The following TFPI variants were observed in gnomAD, a reference collection of about 807,000 sequenced individuals.
The protein encoded by TFPI is tissue factor pathway inhibitor.
In TFPI, 15 loss-of-function variants were observed where a neutral mutation model predicts 34.6. That is an observed-to-expected ratio of 0.43 (90% CI 0.29 to 0.67). The LOEUF (loss-of-function observed/expected upper bound fraction) is 0.67, where lower values mean the gene tolerates loss of function less well. Among genes scored for constraint, TFPI ranks in the 30% least tolerant of loss-of-function variants. The probability of loss-of-function intolerance (pLI) is 0.15; values close to 1 mark genes in which losing one functional copy is unlikely to be tolerated. For missense variants in TFPI, 301 were observed against 364.0 expected (o/e 0.83, Z 1.41); for synonymous variants, 105 against 120.1 (o/e 0.87, Z 0.82).
intron 3 of TFPI, among the ~76,000 whole-genome samples, chr2:187,493,355 C>G (rs925182170): frequency 6.6e-6 from 1 of 152,122 alleles, no homozygotes; most frequent in African/African-American, 2.4e-5. Context: ...AGACTGCACA[C>G]AGCATGAGGA....
chr2:187,484,236 A>G lies in TFPI; in HGVS notation c.536-20T>C. On this transcript the variant is annotated intron_variant, in intron 5 of 7. Coordinates refer to ENST00000233156, the MANE Select transcript of TFPI (RefSeq NM_006287.6). The stretch of plus-strand genomic sequence containing the variant: ...CATTCGCTGGAAAAAAATACAGCCA[A>G]TTAAAATAGATAAACATTGTCACAA... 6.3e-7 allele frequency: 1 copy of G among 1,592,244 alleles called. No homozygotes were observed. Among genetic ancestry groups the G allele is most frequent in the South Asian group, 1.1e-5 (1 of 90,140 alleles).
chr2:187,489,089 A>G (rs989836051), intron 3 of TFPI, among the ~76,000 whole-genome samples: 61 of 151,462 alleles, frequency 4.0e-4, no homozygotes, highest in African/African-American at 1.4e-3. Context: ...GTTGAGTGGT[A>G]TTTATTTTGT....
At chr2:187,482,021 A>T (rs909371103) in intron 6 of TFPI, among the ~76,000 whole-genome samples, 5 of 152,090 alleles carry the variant, frequency 3.3e-5, no homozygotes, top group Non-Finnish European at 7.4e-5. Context: ...AAACTCATTA[A>T]TATTACTTTC....
At chr2:187,539,740 A>G (rs576528803) in intron 1 of TFPI, among the ~76,000 whole-genome samples, 1 of 152,312 alleles carries the variant, frequency 6.6e-6, no homozygotes, top group Non-Finnish European at 1.5e-5. Flanking sequence ...AAATCAGACA[A>G]CAACAAAAAA....
At chr2:187,536,946 C>A (rs1009225467) in intron 1 of TFPI, among the ~76,000 whole-genome samples, 5 of 103,504 alleles carry the variant, frequency 4.8e-5, no homozygotes, top group Non-Finnish European at 8.6e-5. Flanking sequence ...CAATAACAGA[C>A]AAACAGACAG....
chr2:187,549,800 G>A (rs1295755488), intron 1 of TFPI, among the ~76,000 whole-genome samples: 1 of 151,716 alleles, frequency 6.6e-6, no homozygotes, highest in Admixed American at 6.6e-5. Flanking sequence ...AAGGTGTTAT[G>A]AAAATACAAT....
intron 3 of TFPI, among the ~76,000 whole-genome samples, chr2:187,494,072 C>T (rs984180274): frequency 3.3e-5 from 5 of 152,078 alleles, no homozygotes; most frequent in Non-Finnish European, 4.4e-5. Flanking sequence ...ACATGGATAG[C>T]GGCAGGCAAA....
chr2:187,554,137 C>T (rs899980460), intron 1 of TFPI, 63 bp downstream of exon 1: 1 of 151,924 alleles, frequency 6.6e-6, no homozygotes, highest in Non-Finnish European at 1.5e-5. Flanking sequence ...CCTGCTTTTC[C>T]CCCGAGAAAA....
chr2:187,470,191 A>T (rs1400645820), intron 6 of TFPI, among the ~76,000 whole-genome samples: 1 of 152,176 alleles, frequency 6.6e-6, no homozygotes, highest in Non-Finnish European at 1.5e-5. Flanking sequence ...TATGTAAGAT[A>T]TATCTGCCCA....
chr2:187,550,801 A>G (rs755436298), intron 1 of TFPI, among the ~76,000 whole-genome samples: 3 of 152,164 alleles, frequency 2.0e-5, no homozygotes, highest in Non-Finnish European at 4.4e-5. Context: ...AATATTACCA[A>G]AATATTCATA....
intron 1 of TFPI, among the ~76,000 whole-genome samples, chr2:187,544,045 T>A (rs1433048209): frequency 6.6e-6 from 1 of 152,236 alleles, no homozygotes; most frequent in Non-Finnish European, 1.5e-5. Context: ...GTACCTCTAA[T>A]GCAGGCTAAT....
At chr2:187,491,290 T>A (rs1201524207) in intron 3 of TFPI, among the ~76,000 whole-genome samples, 1 of 152,000 alleles carries the variant, frequency 6.6e-6, no homozygotes, top group Non-Finnish European at 1.5e-5. Context: ...AGTGTAACCA[T>A]AACCCAAATA....
intron 6 of TFPI, among the ~76,000 whole-genome samples, chr2:187,482,296 T>G (rs968923767): frequency 2.0e-5 from 3 of 152,130 alleles, no homozygotes; most frequent in Non-Finnish European, 4.4e-5. Context: ...AATTTAGTCA[T>G]TCTAAATTTT....
intron 1 of TFPI, chr2:187,527,173 G>T (rs1038682936): frequency 6.6e-6 from 1 of 152,196 alleles, no homozygotes; most frequent in Non-Finnish European, 1.5e-5. Flanking sequence ...TATGTTGGAG[G>T]AGAAGGGGAA....
Position 187,464,959 on chromosome 2 carries a change from A to G in TFPI, c.*1977T>C, listed in dbSNP as rs1474776200. The G allele has an allele frequency of 6.6e-6, 1 of 152,206 alleles. No individual in the cohort carries two copies. The highest frequency in any genetic ancestry group is 1.5e-5 in the Non-Finnish European group (1 of 68,032). 9.4% of individuals were successfully genotyped at this position (152,206 alleles called of 1,614,324 possible). A position where few individuals can be genotyped will look rare whatever the true frequency, so the allele number is the denominator to read the frequency against. ...TCACATGAATGGCCTGGAGGGGATC[A>G]TATTTTTAAACAGGAAATCAGTGTG... On this transcript the variant is annotated 3_prime_UTR_variant, in exon 8 of 8. Coordinates refer to ENST00000233156, the MANE Select transcript of TFPI (RefSeq NM_006287.6).
chr2:187,537,568 T>A (rs764447408), intron 1 of TFPI, among the ~76,000 whole-genome samples: 1 of 152,096 alleles, frequency 6.6e-6, no homozygotes, highest in Non-Finnish European at 1.5e-5. Flanking sequence ...CCCTTCCTTA[T>A]ACCTTACACA....
At chr2:187,542,985 T>C (rs1019092898) in intron 1 of TFPI, among the ~76,000 whole-genome samples, 1 of 152,068 alleles carries the variant, frequency 6.6e-6, no homozygotes, top group African/African-American at 2.4e-5. Context: ...AATATTTGAA[T>C]GATTATATTT....
chr2:187,554,135 TC>T (rs548311304), intron 1 of TFPI, 64 bp downstream of exon 1: 4 of 152,072 alleles, frequency 2.6e-5, no homozygotes, highest in Non-Finnish European at 4.4e-5. Flanking sequence ...ACCCTGCTTT[TC>T]CCCCGAGAAA....
At chr2:187,517,610 A>G (rs1687095325) in intron 1 of TFPI, 1 of 152,182 alleles carries the variant, frequency 6.6e-6, no homozygotes, top group Non-Finnish European at 1.5e-5. Flanking sequence ...AGAAGAATGT[A>G]TATTCTGTTG....
Sources: allele counts gnomAD v4.1 joint callset (sites outside exome capture counted in the v4.1 genomes callset), GRCh38; gene constraint gnomAD v4.1.1; transcripts MANE v1.5; gene names NCBI Gene and HGNC (gene_info 2026-07-23, HGNC 2026-07-21).